ADGRB1: variants seen among roughly 807,000 people sequenced by gnomAD.
ADGRB1 encodes the protein brain-specific angiogenesis inhibitor 1.
A neutral mutation model predicts 175.7 loss-of-function variants in ADGRB1; 36 were observed. The observed-to-expected ratio is 0.20, with a 90% confidence interval of 0.16 to 0.27. The LOEUF is 0.27. ADGRB1 is among the 10% of genes least tolerant of loss of function. ADGRB1 has a pLI of 1.00. For missense variants in ADGRB1, 1,731 were observed against 2,255.3 expected, an observed-to-expected ratio of 0.77 and a Z score of 4.71; for synonymous variants, 1,054 against 979.4, an observed-to-expected ratio of 1.08 and a Z score of -1.42.
chr8:142,524,182 CCT>C, intron 22 of ADGRB1, 54 bp from the exon 23 acceptor site: 1 of 1,554,408 alleles, frequency 6.4e-7, no homozygotes, highest in Non-Finnish European at 8.7e-7. Flanking sequence ...GCCGGCAGCA[CCT>C]CTCTGCACGC....
chr8:142,532,601 T>G (rs1190062790), intron 24 of ADGRB1, among the ~76,000 whole-genome samples: 2 of 152,120 alleles, frequency 1.3e-5, no homozygotes, highest in Non-Finnish European at 2.9e-5. Context: ...CGTCTGTCTC[T>G]GTCTCTCCTC....
At chr8:142,520,256 A>AGTGATTG (rs1843711391) in intron 19 of ADGRB1, among the ~76,000 whole-genome samples, 1 of 83,216 alleles carries the variant, frequency 1.2e-5, no homozygotes, top group African/African-American at 4.9e-5. Flanking sequence ...GGTGGTGGTG[A>AGTGATTG]TGATGGTGAT....
chr8:142,500,450 A>G (rs1842464517), intron 17 of ADGRB1, among the ~76,000 whole-genome samples: 1 of 144,756 alleles, frequency 6.9e-6, no homozygotes, highest in African/African-American at 2.6e-5. Flanking sequence ...CCACCTTGGG[A>G]GCTCCTCTCA....
At chr8:142,519,370 GGTCATGCAGCACATCAGGGTCAT>G (rs1258335478) in intron 19 of ADGRB1, among the ~76,000 whole-genome samples, 3 of 152,212 alleles carry the variant, frequency 2.0e-5, no homozygotes, top group Non-Finnish European at 4.4e-5. Flanking sequence ...ACCTGCCCAA[GGTCATGCAGCACATCAGGGTCAT>G]GTCAGAGCCC....
Position 142,493,611 on chromosome 8 carries a change from C to T in ADGRB1, c.2675+2796C>T, listed in dbSNP as rs1284793942. ...CCTGGCAGCATTGTGCCCAAGTTGC[C>T]TCTTGGGTCCTTGACCCTGCCCGGC... is the stretch of plus-strand genomic sequence containing the variant. On this transcript the variant is annotated intron_variant, in intron 17 of 30. Coordinates refer to ENST00000517894, the MANE Select transcript of ADGRB1 (RefSeq NM_001702.3). The surrounding 1 kb of genome is among the most constrained non-coding windows in gnomAD (Gnocchi z 5.0). 1.3e-5 allele frequency among the ~76,000 whole-genome samples: 2 copies of T among 152,378 alleles called. No homozygotes were observed. The highest frequency in any genetic ancestry group is 3.9e-4 in the East Asian group (2 of 5,188).
At chr8:142,525,413 G>GGCTGTGGGACC (rs1271164956) in intron 23 of ADGRB1, among the ~76,000 whole-genome samples, 1 of 152,064 alleles carries the variant, frequency 6.6e-6, no homozygotes, top group Non-Finnish European at 1.5e-5. Flanking sequence ...TGACCCTGGC[G>GGCTGTGGGACC]GCTGTGGGAC....
At chr8:142,505,947 G>A (rs1367147414) in intron 17 of ADGRB1, among the ~76,000 whole-genome samples, 2 of 152,188 alleles carry the variant, frequency 1.3e-5, no homozygotes, top group East Asian at 3.9e-4. Flanking sequence ...GGCTCCGGGT[G>A]AGCGATGGCA....
At chr8:142,509,221 G>A (rs1048000001) in intron 17 of ADGRB1, among the ~76,000 whole-genome samples, 1 of 152,192 alleles carries the variant, frequency 6.6e-6, no homozygotes, top group Non-Finnish European at 1.5e-5. Flanking sequence ...GGGCACTGGT[G>A]ACCCATGCTT....
chr8:142,527,971 G>T (rs1423749587), intron 24 of ADGRB1, among the ~76,000 whole-genome samples: 1 of 152,216 alleles, frequency 6.6e-6, no homozygotes, highest in African/African-American at 2.4e-5. Flanking sequence ...ACCTCACCCT[G>T]TGTGTGCCAC....
chr8:142,528,656 G>A (rs974315541), intron 24 of ADGRB1, among the ~76,000 whole-genome samples: 1 of 151,152 alleles, frequency 6.6e-6, no homozygotes, highest in Admixed American at 6.6e-5. Context: ...TAGTGCCTCC[G>A]CTGCCACCTC....
At chr8:142,540,245 C>T (rs536045464) in intron 27 of ADGRB1, among the ~76,000 whole-genome samples, 6 of 152,338 alleles carry the variant, frequency 3.9e-5, no homozygotes, top group Middle Eastern at 6.8e-3. Flanking sequence ...GCCAGTTGGG[C>T]CCCAGGAGGG....
rs1842039579 is a variant in ADGRB1 at position 142,492,752 on chromosome 8, AG to A, written c.2675+1938del. On this transcript the variant is annotated intron_variant, in intron 17 of 30. Transcript: ENST00000517894. The surrounding 1 kb of genome is among the most constrained non-coding windows in gnomAD (Gnocchi z 4.4). ...CTCTAGCTCTCGTAAGGGTGGAAAA[AG>A]AAAATGCAAGAAGAAAGCCCCCCTG... Among the ~76,000 whole-genome samples the A allele has an allele frequency of 6.6e-6, 1 of 152,144 alleles. No individual in the cohort carries two copies. Among genetic ancestry groups the A allele is most frequent in the Non-Finnish European group, 1.5e-5 (1 of 68,010 alleles).
At position 142,511,939 on chromosome 8, in the gene ADGRB1, C is replaced by T. The variant is rs1005927596; in HGVS notation, c.2817+866C>T. Among the ~76,000 whole-genome samples the T allele has an allele frequency of 2.6e-5, 4 of 152,170 alleles. No homozygotes were observed. Among genetic ancestry groups the T allele is most frequent in the Admixed American group, 6.5e-5 (1 of 15,282 alleles). On this transcript the variant is annotated intron_variant, in intron 18 of 30. Transcript: ENST00000517894. This position sits in a 1 kb window ranked among gnomAD's most constrained non-coding sequence, Gnocchi z 4.5. ...GAGGATGCACTTGGAGGGGACCTGT[C>T]CTTCCTGGGTGTTGGAGGTGGCATT...
At chr8:142,536,896 C>A in intron 25 of ADGRB1, 91 bp from the exon 26 acceptor site, 1 of 1,140,788 alleles carries the variant, frequency 8.8e-7, no homozygotes, top group Non-Finnish European at 1.2e-6. Context: ...CCCGAGACGC[C>A]CGCCCCCCCA....
chr8:142,522,301 C>T lies in ADGRB1; in HGVS notation c.3175+186C>T, dbSNP rs148891464. Among the ~76,000 whole-genome samples, 553 of 152,250 alleles carry T rather than the reference C, an allele frequency of 3.6e-3. 5 individuals are homozygous for T. Among genetic ancestry groups the T allele is most frequent in the African/African-American group, 0.013 (521 of 41,528 alleles). ...GTCACCAGATAAAGCACAGGACACC[C>T]AGTTCTCTTTCATGTCTAGATAACG... On this transcript the variant is annotated intron_variant, in intron 21 of 30. Coordinates refer to ENST00000517894, the MANE Select transcript of ADGRB1 (RefSeq NM_001702.3).
At position 142,544,535 on chromosome 8, in the gene ADGRB1, C is replaced by T; in HGVS notation, c.*118C>T. On this transcript the variant is annotated 3_prime_UTR_variant, in exon 31 of 31. Coordinates refer to ENST00000517894, the MANE Select transcript of ADGRB1 (RefSeq NM_001702.3). ...GCGGGCCAGGCCCGCACCCCGGCCT[C>T]AGGGCGCTCAGACGGCGGCCAGGCA... 1 of 1,220,500 alleles carries T rather than the reference C, an allele frequency of 8.2e-7. No individual in the cohort carries two copies. Among genetic ancestry groups the T allele is most frequent in the Non-Finnish European group, 1.1e-6 (1 of 937,852 alleles). 75.6% of individuals were successfully genotyped at this position (1,220,500 alleles called of 1,614,324 possible). A position where few individuals can be genotyped will look rare whatever the true frequency, so the allele number is the denominator to read the frequency against.
intron 27 of ADGRB1, among the ~76,000 whole-genome samples, chr8:142,540,547 T>G (rs923020184): frequency 1.3e-5 from 2 of 150,344 alleles, no homozygotes. Context: ...GTGGGCGGGG[T>G]GCCAGCGAGG....
chr8:142,470,254 C>T lies in ADGRB1; in HGVS notation c.785-5220C>T, dbSNP rs568513582. Among the ~76,000 whole-genome samples the T allele has an allele frequency of 5.9e-5, 9 of 152,292 alleles. No individual in the cohort carries two copies. The East Asian group carries it at 7.7e-4, about 13-fold the overall frequency. ...CCCACTGCCTCCCTTTGCATTTTTC[C>T]GCCTAGGGTGAGTGGGGCCGTTTCT... On this transcript the variant is annotated intron_variant, in intron 2 of 30. Transcript: ENST00000517894.
intron 27 of ADGRB1, chr8:142,539,786 C>A: frequency 2.9e-6 from 1 of 344,694 alleles, no homozygotes; most frequent in South Asian, 4.3e-5. Flanking sequence ...TGCCGCTCCC[C>A]CCCCCTGCCT....
Sources: gnomAD v4.1 joint callset for allele counts (sites outside exome capture counted in the v4.1 genomes callset) on GRCh38, gnomAD v4.1.1 for gene constraint, Gnocchi (gnomAD v3.1) non-coding constraint, MANE v1.5 for transcripts, NCBI Gene and HGNC (gene_info 2026-07-23, HGNC 2026-07-21) for gene names.